Variants in PLAC1 observed in about 807,000 individuals in gnomAD.
The protein encoded by PLAC1 is placenta-specific protein 1.
For missense variants in PLAC1, 136 were observed against 163.2 expected, an observed-to-expected ratio of 0.83 and a Z score of 0.91; for synonymous variants, 68 against 62.1, an observed-to-expected ratio of 1.09 and a Z score of -0.44.
intron 2 of PLAC1, among the ~76,000 whole-genome samples, chrX:134,679,625 A>C (rs1602902323): frequency 9.0e-6 from 1 of 111,682 alleles, no homozygotes; most frequent in East Asian, 2.8e-4. Context: ...TGTGGTAATA[A>C]TTTGTAATGA....
intron 2 of PLAC1, among the ~76,000 whole-genome samples, chrX:134,697,868 A>T (rs375258979): frequency 9.0e-5 from 10 of 111,322 alleles, no homozygotes; most frequent in African/African-American, 3.3e-4. Context: ...ACTCTATCTA[A>T]AAAAAGAAAA....
At chrX:134,668,694 C>T (rs1016092491) in intron 2 of PLAC1, among the ~76,000 whole-genome samples, 1 of 112,950 alleles carries the variant, frequency 8.9e-6, no homozygotes, top group Non-Finnish European at 1.9e-5. Context: ...GAATTCCACA[C>T]AGGTGAAGCT....
At chrX:134,569,101 C>T (rs1012667880) in intron 2 of PLAC1, among the ~76,000 whole-genome samples, 3 of 111,385 alleles carry the variant, frequency 2.7e-5, no homozygotes, top group Non-Finnish European at 5.7e-5. Flanking sequence ...AAAATTAACA[C>T]CCAAGTTTAA....
At position 134,602,713 on chromosome X, in the gene PLAC1, T is replaced by G. The variant is rs1038716114; in HGVS notation, c.-130-591A>C. On this transcript the variant is annotated intron_variant, in intron 1 of 2. Coordinates refer to ENST00000359237, the MANE Select transcript of PLAC1 (RefSeq NM_021796.4). ...TTATACTGAGTGAAAGAAGTCAGTA[T>G]CAAAGGGTTATATAGTATATGATTC... Among the ~76,000 whole-genome samples, 10 of 110,915 alleles carry G rather than the reference T, an allele frequency of 9.0e-5. No homozygotes were observed. In the East Asian group the frequency reaches 2.8e-3, roughly 32 times the overall value.
intron 1 of PLAC1, among the ~76,000 whole-genome samples, chrX:134,624,844 T>C (rs1460264933): frequency 9.0e-6 from 1 of 111,008 alleles, no homozygotes; most frequent in Non-Finnish European, 1.9e-5. Context: ...AAATACAAAG[T>C]ACACAATGGG....
At chrX:134,579,582 G>A (rs973721410) in intron 2 of PLAC1, among the ~76,000 whole-genome samples, 6 of 111,269 alleles carry the variant, frequency 5.4e-5, no homozygotes, top group East Asian at 2.8e-4. Context: ...TGCATGACTC[G>A]GGGAAGCTGA....
At chrX:134,694,002 G>A (rs768704802) in intron 2 of PLAC1, among the ~76,000 whole-genome samples, 1 of 111,723 alleles carries the variant, frequency 9.0e-6, no homozygotes, top group South Asian at 3.8e-4. Flanking sequence ...ATTGAAAAAT[G>A]GTATGTCTGT....
intron 2 of PLAC1, among the ~76,000 whole-genome samples, chrX:134,704,514 C>A (rs1490268366): frequency 1.0e-5 from 1 of 96,569 alleles, no homozygotes; most frequent in Non-Finnish European, 2.1e-5. Flanking sequence ...AACAAAATAA[C>A]AACAACAAAA....
At chrX:134,695,870 A>C (rs180801946) in intron 2 of PLAC1, among the ~76,000 whole-genome samples, 1 of 110,947 alleles carries the variant, frequency 9.0e-6, no homozygotes, top group East Asian at 2.8e-4. Context: ...CCCCTTTTGT[A>C]AACTGAAAGG....
intron 2 of PLAC1, among the ~76,000 whole-genome samples, chrX:134,681,980 A>G (rs1038972371): frequency 3.6e-5 from 4 of 111,980 alleles, no homozygotes; most frequent in African/African-American, 1.3e-4. Flanking sequence ...CAGAAGACAC[A>G]TTATGTAATT....
chrX:134,643,632 GAT>G (rs891692575), intron 1 of PLAC1, among the ~76,000 whole-genome samples: 1 of 111,643 alleles, frequency 9.0e-6, no homozygotes, highest in Non-Finnish European at 1.9e-5. Flanking sequence ...TAAAGGAAAA[GAT>G]AATATGATCA....
intron 1 of PLAC1, among the ~76,000 whole-genome samples, chrX:134,614,391 T>C (rs1468760797): frequency 9.0e-6 from 1 of 111,076 alleles, no homozygotes; most frequent in Non-Finnish European, 1.9e-5. Context: ...TCTTAGGAAA[T>C]TACATATAAT....
intron 2 of PLAC1, among the ~76,000 whole-genome samples, chrX:134,672,960 A>G (rs1487484031): frequency 8.9e-6 from 1 of 111,811 alleles, no homozygotes; most frequent in Admixed American, 9.5e-5. Flanking sequence ...CAAGGCTCAA[A>G]CTCCTTATGT....
chrX:134,628,480 G>A (rs186125536), intron 1 of PLAC1, among the ~76,000 whole-genome samples: 10 of 111,998 alleles, frequency 8.9e-5, no homozygotes, highest in Admixed American at 2.8e-4. Flanking sequence ...GGCCTTGTAA[G>A]GCAGCTTCCC....
chrX:134,589,470 G>A (rs1008694212), intron 2 of PLAC1, among the ~76,000 whole-genome samples: 1 of 111,178 alleles, frequency 9.0e-6, no homozygotes, highest in Non-Finnish European at 1.9e-5. Flanking sequence ...AGGCGCAGTG[G>A]CTCATGCCTG....
chrX:134,635,166 T>C (rs1159878135), intron 1 of PLAC1, among the ~76,000 whole-genome samples: 1 of 111,743 alleles, frequency 8.9e-6, no homozygotes, highest in Non-Finnish European at 1.9e-5. Flanking sequence ...GCTTATAAAA[T>C]ATATAATTAT....
intron 1 of PLAC1, among the ~76,000 whole-genome samples, chrX:134,657,345 C>T (rs766686232): frequency 2.7e-5 from 3 of 112,111 alleles, no homozygotes; most frequent in Non-Finnish European, 5.6e-5. Flanking sequence ...CAAGCCAAAC[C>T]ATTGCAAGTT....
intron 2 of PLAC1, among the ~76,000 whole-genome samples, chrX:134,593,782 T>C (rs1194855562): frequency 8.9e-6 from 1 of 112,216 alleles, no homozygotes; most frequent in Non-Finnish European, 1.9e-5. Flanking sequence ...CTCATTTATT[T>C]GTTTTAGGAG....
chrX:134,583,763 C>A (rs2077986461), intron 2 of PLAC1, among the ~76,000 whole-genome samples: 1 of 110,548 alleles, frequency 9.0e-6, no homozygotes, highest in Admixed American at 9.7e-5. Context: ...CAACTAGAGT[C>A]CCATCAATCT....
Sources: gnomAD v4.1 joint callset for allele counts (sites outside exome capture counted in the v4.1 genomes callset) on GRCh38, gnomAD v4.1.1 for gene constraint, MANE v1.5 for transcripts, NCBI Gene and HGNC (gene_info 2026-07-23, HGNC 2026-07-21) for gene names.